FAM90A20: variants seen among roughly 807,000 people sequenced by gnomAD.
The protein encoded by FAM90A20 is protein FAM90A20.
the FAM90A20 span, chr8:7,297,038 C>T: frequency 2.0e-6 from 3 of 1,471,708 alleles, 1 homozygote; most frequent in African/African-American, 4.0e-5. Flanking sequence ...GAACTTCTAA[C>T]CTGTGTTGTT....
the FAM90A20 span, chr8:7,297,274 C>A: frequency 2.9e-6 from 4 of 1,383,070 alleles, 1 homozygote; most frequent in East Asian, 4.6e-5. Flanking sequence ...GGCCTGCAGT[C>A]AGGCACCAGG....
At chr8:7,297,691 C>G in the FAM90A20 span, 1 of 1,410,360 alleles carries the variant, frequency 7.1e-7, no homozygotes, top group Non-Finnish European at 9.7e-7. Context: ...GGACACCGGC[C>G]CAGGTGCCCA....
the FAM90A20 span, chr8:7,297,793 G>C: frequency 6.7e-5 from 86 of 1,283,164 alleles, 4 homozygotes; most frequent in Non-Finnish European, 8.7e-5. Flanking sequence ...GCCATGATGG[G>C]GCCCAGCCTC....
At chr8:7,295,978 G>C in the FAM90A20 span, 122 of 524,624 alleles carry the variant, frequency 2.3e-4, 12 homozygotes, top group South Asian at 1.3e-3. Context: ...TGTCCTCCGG[G>C]GTTCCACACC....
chr8:7,297,533 C>A, the FAM90A20 span: 1 of 1,523,132 alleles, frequency 6.6e-7, no homozygotes, highest in Non-Finnish European at 8.9e-7. Flanking sequence ...TCAGGCTTGC[C>A]TGAACTTCCC....
At chr8:7,297,340 C>G in the FAM90A20 span, 1 of 1,389,522 alleles carries the variant, frequency 7.2e-7, no homozygotes, top group South Asian at 1.2e-5. Flanking sequence ...AGGGTAGCTG[C>G]CGAGAAGTTC....
chr8:7,297,647 C>T, the FAM90A20 span: 1 of 1,405,794 alleles, frequency 7.1e-7, no homozygotes, highest in Non-Finnish European at 9.7e-7. Flanking sequence ...CGCAACCGAA[C>T]TTGGACCAAG....
chr8:7,297,759 C>G, the FAM90A20 span: 12 of 1,475,804 alleles, frequency 8.1e-6, 2 homozygotes, highest in African/African-American at 4.1e-5. Context: ...CAGGCCTGCA[C>G]CATGTCCCAT....
chr8:7,297,695 G>C, the FAM90A20 span: 1 of 1,419,230 alleles, frequency 7.0e-7, no homozygotes, highest in Non-Finnish European at 9.6e-7. Flanking sequence ...ACCGGCCCAG[G>C]TGCCCAGCGT....
the FAM90A20 span, chr8:7,296,449 T>G: frequency 2.8e-6 from 2 of 707,574 alleles, no homozygotes; most frequent in Admixed American, 1.8e-5. Context: ...TAACCCTGGT[T>G]GATTTCCTTT....
At chr8:7,297,289 C>T in the FAM90A20 span, 7 of 1,349,704 alleles carry the variant, frequency 5.2e-6, no homozygotes, top group African/African-American at 4.3e-5. Flanking sequence ...ACCAGGTCCA[C>T]GAGACTCTCC....
chr8:7,297,208 C>T, the FAM90A20 span: 1 of 1,531,170 alleles, frequency 6.5e-7, no homozygotes, highest in South Asian at 1.1e-5. Flanking sequence ...GTCTGAGCTC[C>T]TCCTCAAGTC....
the FAM90A20 span, among the ~76,000 whole-genome samples, chr8:7,296,775 C>T: frequency 7.3e-6 from 1 of 136,172 alleles, no homozygotes; most frequent in Non-Finnish European, 1.5e-5. Flanking sequence ...GTCCGTTCCA[C>T]TTCATGGAAG....
chr8:7,297,116 C>T, the FAM90A20 span: 4 of 1,506,806 alleles, frequency 2.7e-6, 1 homozygote, highest in East Asian at 4.5e-5. Flanking sequence ...GCGCATGGAC[C>T]CTGTCCTCTC....
At chr8:7,297,434 C>A in the FAM90A20 span, 43 of 1,556,160 alleles carry the variant, frequency 2.8e-5, 2 homozygotes, top group South Asian at 4.4e-4. Context: ...GACCTCACAG[C>A]CCTGCCCATC....
chr8:7,297,577 C>T, the FAM90A20 span: 67 of 1,510,210 alleles, frequency 4.4e-5, 4 homozygotes, highest in Non-Finnish European at 5.7e-5. Context: ...TCCAGATCCC[C>T]GAAAGCACCA....
chr8:7,297,493 A>T, the FAM90A20 span: 1 of 1,524,368 alleles, frequency 6.6e-7, no homozygotes, highest in Non-Finnish European at 8.9e-7. Context: ...GCTTTGGGTC[A>T]GGAGCCAAGA....
At chr8:7,296,946 TG>T in the FAM90A20 span, 34 of 906,012 alleles carry the variant, frequency 3.8e-5, 4 homozygotes, top group Non-Finnish European at 5.3e-5. Flanking sequence ...AAGGACCGCC[TG>T]TCGATACTGT....
the FAM90A20 span, chr8:7,297,188 A>C: frequency 6.5e-7 from 1 of 1,537,608 alleles, no homozygotes; most frequent in East Asian, 2.2e-5. Context: ...GTCTCCCCTC[A>C]GAAAAGCCAG....
Sources: allele counts gnomAD v4.1 joint callset (sites outside exome capture counted in the v4.1 genomes callset), GRCh38; gene constraint gnomAD v4.1.1; transcripts MANE v1.5; gene names NCBI Gene and HGNC (gene_info 2026-07-23, HGNC 2026-07-21).